The following GMDS variants were observed in gnomAD, a reference collection of about 807,000 sequenced individuals.
GMDS encodes GDP-mannose 4,6 dehydratase.
Under a neutral mutation model 49.9 loss-of-function variants are expected in GMDS, and 20 were observed. The observed-to-expected ratio is 0.40, with a 90% CI of 0.28 to 0.58. GMDS has a LOEUF of 0.58. Ranked by LOEUF, GMDS falls within the 20% of genes least tolerant of loss-of-function variation. GMDS has a pLI of 0.42. For synonymous variants in GMDS, 177 were observed against 178.6 expected (o/e 0.99, Z 0.07); for missense variants, 362 against 481.4 (o/e 0.75, Z 2.32).
chr6:1,981,995 T>G (rs559519187), intron 4 of GMDS, among the ~76,000 whole-genome samples: 1 of 152,238 alleles, frequency 6.6e-6, no homozygotes, highest in East Asian at 1.9e-4. Flanking sequence ...AAACTCTCAG[T>G]AAACTAGGTA....
intron 7 of GMDS, among the ~76,000 whole-genome samples, chr6:1,770,120 CTTA>C (rs1374938869): frequency 2.6e-5 from 4 of 152,144 alleles, no homozygotes; most frequent in Admixed American, 2.0e-4. Context: ...TTTAAAAGCA[CTTA>C]TTATTAACTT....
chr6:2,040,843 T>A (rs1032989547), intron 4 of GMDS, among the ~76,000 whole-genome samples: 15 of 152,336 alleles, frequency 9.8e-5, no homozygotes, highest in Admixed American at 2.6e-4. Context: ...CAAACCCTGT[T>A]ATCCTCCAAT....
intron 7 of GMDS, among the ~76,000 whole-genome samples, chr6:1,924,680 G>A (rs1002066547): frequency 1.3e-5 from 2 of 152,308 alleles, no homozygotes; most frequent in South Asian, 2.1e-4. Context: ...AATACATGTT[G>A]AATGAACAGT....
At chr6:2,162,275 G>A (rs1282914270) in intron 1 of GMDS, among the ~76,000 whole-genome samples, 2 of 152,156 alleles carry the variant, frequency 1.3e-5, no homozygotes, top group African/African-American at 4.8e-5. Flanking sequence ...TGGGAATTGT[G>A]AGTAAGCCAC....
chr6:1,744,975 A>T (rs991013927), intron 7 of GMDS, among the ~76,000 whole-genome samples: 1 of 143,986 alleles, frequency 6.9e-6, no homozygotes, highest in East Asian at 2.0e-4. Context: ...GGACACACAC[A>T]GAGGCACACG....
intron 1 of GMDS, among the ~76,000 whole-genome samples, chr6:2,192,887 C>A (rs982838801): frequency 1.3e-5 from 2 of 152,206 alleles, no homozygotes; most frequent in African/African-American, 4.8e-5. Flanking sequence ...CAGGCCCAAA[C>A]AAAAGTTGGA....
At chr6:1,722,233 A>ATTC in intron 9 of GMDS, among the ~76,000 whole-genome samples, 1 of 58,124 alleles carries the variant, frequency 1.7e-5, no homozygotes, top group South Asian at 8.1e-4. Flanking sequence ...TCCCTGGCTA[A>ATTC]TTATTATTAT....
At chr6:2,150,342 T>G (rs921221297) in intron 1 of GMDS, among the ~76,000 whole-genome samples, 2 of 151,762 alleles carry the variant, frequency 1.3e-5, no homozygotes, top group Non-Finnish European at 2.9e-5. Context: ...AGCCCAGGAG[T>G]TCAAGAAAAG....
chr6:2,183,139 T>C (rs1448676617), intron 1 of GMDS, among the ~76,000 whole-genome samples: 1 of 152,214 alleles, frequency 6.6e-6, no homozygotes, highest in African/African-American at 2.4e-5. Context: ...CTGCAGCCCA[T>C]GGATCAAGGA....
At chr6:1,638,657 T>C (rs1190668525) in intron 9 of GMDS, among the ~76,000 whole-genome samples, 1 of 151,984 alleles carries the variant, frequency 6.6e-6, no homozygotes, top group African/African-American at 2.4e-5. Flanking sequence ...AACTCTGGGG[T>C]TTGGGATACT....
intron 1 of GMDS, among the ~76,000 whole-genome samples, chr6:2,206,407 G>A (rs1305889153): frequency 2.0e-5 from 3 of 152,086 alleles, no homozygotes; most frequent in African/African-American, 7.2e-5. Context: ...GGCTCTAGGA[G>A]GCACTGAAGA....
intron 9 of GMDS, among the ~76,000 whole-genome samples, chr6:1,630,279 T>C (rs555580422): frequency 6.6e-6 from 1 of 152,320 alleles, no homozygotes; most frequent in Admixed American, 6.5e-5. Context: ...TGGAGATGAG[T>C]GCGGCGGTCC....
intron 1 of GMDS, among the ~76,000 whole-genome samples, chr6:2,157,909 G>A (rs1237756038): frequency 6.6e-6 from 1 of 152,140 alleles, no homozygotes; most frequent in Non-Finnish European, 1.5e-5. Flanking sequence ...GATGGTCTAT[G>A]TGACTCTTTC....
chr6:2,069,555 TCAAA>T lies in GMDS; in HGVS notation c.345+46212_345+46215del, dbSNP rs1321763587. Among the ~76,000 whole-genome samples the T allele has an allele frequency of 4.1e-4, 62 of 151,872 alleles. No individual in the cohort carries two copies. In the South Asian group the frequency reaches 0.013, roughly 31 times the overall value. ...CTAATATCCAGAATCTACAATGAAC[TCAAA>T]CAAATTTACAAGAAAAAAACAAACA... is the stretch of plus-strand genomic sequence containing the variant. On this transcript the variant is annotated intron_variant, in intron 4 of 10. Coordinates refer to ENST00000380815, the MANE Select transcript of GMDS (RefSeq NM_001500.4).
intron 4 of GMDS, among the ~76,000 whole-genome samples, chr6:2,109,183 T>A (rs1049611804): frequency 2.0e-5 from 3 of 152,204 alleles, no homozygotes; most frequent in Admixed American, 6.5e-5. Context: ...GGCAGCACAC[T>A]GGGACTGAAG....
chr6:1,742,333 A>G (rs865809401), intron 8 of GMDS, 135 bp downstream of exon 8: 2 of 619,390 alleles, frequency 3.2e-6, no homozygotes, highest in East Asian at 2.8e-5. Flanking sequence ...CAAAGGCCCC[A>G]CTCTACACTG....
intron 4 of GMDS, among the ~76,000 whole-genome samples, chr6:2,071,130 C>G (rs920943475): frequency 6.6e-5 from 10 of 152,180 alleles, no homozygotes; most frequent in African/African-American, 2.4e-4. Flanking sequence ...ACATGAGTTG[C>G]CACCAAGCAT....
At chr6:1,659,904 GT>G (rs1433129757) in intron 9 of GMDS, among the ~76,000 whole-genome samples, 1 of 151,374 alleles carries the variant, frequency 6.6e-6, no homozygotes, top group East Asian at 2.0e-4. Flanking sequence ...AACCCAATTA[GT>G]TTCCCTGACA....
intron 7 of GMDS, among the ~76,000 whole-genome samples, chr6:1,915,411 A>G (rs2113888934): frequency 6.6e-6 from 1 of 152,310 alleles, no homozygotes; most frequent in African/African-American, 2.4e-5. Flanking sequence ...GCTGAGCCTG[A>G]GCAGGGCAGG....
Sources: allele counts gnomAD v4.1 joint callset (sites outside exome capture counted in the v4.1 genomes callset), GRCh38; gene constraint gnomAD v4.1.1; transcripts MANE v1.5; gene names NCBI Gene and HGNC (gene_info 2026-07-23, HGNC 2026-07-21).